The following MUC7 variants were observed in gnomAD, a reference collection of about 807,000 sequenced individuals.
MUC7 encodes mucin-7.
A neutral mutation model predicts 2.5 loss-of-function variants in MUC7; 2 were observed. The observed-to-expected ratio is 0.81, with a 90% CI of 0.33 to 2.55. The LOEUF (loss-of-function observed/expected upper bound fraction) is 2.55. MUC7 is among the 30% of genes most tolerant of loss of function. MUC7 has a pLI of 0.11. For missense variants in MUC7, 408 were observed against 455.6 expected (o/e 0.90, Z 0.95); for synonymous variants, 133 against 173.4 (o/e 0.77, Z 1.83).
At chr4:70,462,648 G>A (rs1734585055) in intron 1 of MUC7, among the ~76,000 whole-genome samples, 1 of 152,144 alleles carries the variant, frequency 6.6e-6, no homozygotes, top group African/African-American at 2.4e-5. Context: ...ACATAAATTA[G>A]ATTATATAGT....
At position 70,481,243 on chromosome 4, in the gene MUC7, G is replaced by A; in HGVS notation, c.499G>A (p.Ala167Thr). ...VNSPAPQDTT[A>T]APPTPSATTP... Reference sequence around the variant, plus strand: ...TTCCCCAGCTCCACAAGACACCACAGCTGCCCCACCCACACCTTCTGCAAC... The same window carrying A: ...TTCCCCAGCTCCACAAGACACCACAACTGCCCCACCCACACCTTCTGCAAC... Residue 167 changes from alanine to threonine, a missense_variant, in exon 3 of 3, where the codon GCT becomes ACT. This residue lies in a region of MUC7 where 225 missense variants were observed against 240.5 expected (regional missense o/e 0.94). Coordinates refer to ENST00000304887, the MANE Select transcript of MUC7 (RefSeq NM_152291.3). 6.2e-7 allele frequency: 1 copy of A among 1,613,850 alleles called. No homozygotes were observed. The highest frequency in any genetic ancestry group is 2.2e-5 in the East Asian group (1 of 44,852).
intron 1 of MUC7, among the ~76,000 whole-genome samples, chr4:70,458,711 T>C (rs1734470497): frequency 6.6e-6 from 1 of 151,970 alleles, no homozygotes; most frequent in Non-Finnish European, 1.5e-5. Context: ...AACATAACAG[T>C]AAACAGAAAA....
chr4:70,471,576 A>G (rs554235430), upstream of MUC7, among the ~76,000 whole-genome samples: 18 of 152,350 alleles, frequency 1.2e-4, no homozygotes, highest in African/African-American at 4.3e-4. Flanking sequence ...ACTAAGATAT[A>G]TAGCAAAATG....
intron 1 of MUC7, among the ~76,000 whole-genome samples, chr4:70,431,815 G>A (rs1733674265): frequency 6.6e-6 from 1 of 152,166 alleles, no homozygotes; most frequent in East Asian, 1.9e-4. Context: ...TCTTACATAT[G>A]TATACATGTG....
chr4:70,446,526 T>C (rs934436851), intron 1 of MUC7, among the ~76,000 whole-genome samples: 1 of 152,218 alleles, frequency 6.6e-6, no homozygotes, highest in South Asian at 2.1e-4. Context: ...TCTTCCTTCA[T>C]GTGACCATCT....
Position 70,480,792 on chromosome 4 carries a change from T to C in MUC7, c.55-7T>C, listed in dbSNP as rs769012264. 6.2e-7 allele frequency: 1 copy of C among 1,605,532 alleles called. No homozygotes were observed. Among genetic ancestry groups the C allele is most frequent in the Non-Finnish European group, 8.5e-7 (1 of 1,174,508 alleles). On this transcript the variant is annotated splice_polypyrimidine_tract_variant and splice_region_variant and intron_variant, in intron 2 of 2. Coordinates refer to ENST00000304887, the MANE Select transcript of MUC7 (RefSeq NM_152291.3). ...TTCATTTCTTACATTTTCTTTCTTT[T>C]CTGCAGTTCAGTGAAGGTCGAGAAA...
intron 1 of MUC7, among the ~76,000 whole-genome samples, chr4:70,434,782 C>A (rs970048783): frequency 3.3e-5 from 5 of 152,122 alleles, no homozygotes; most frequent in African/African-American, 1.2e-4. Flanking sequence ...TTCTCTAGTT[C>A]TTTTAATTGT....
chr4:70,479,248 T>C (rs1408706404), intron 2 of MUC7, among the ~76,000 whole-genome samples: 4 of 152,230 alleles, frequency 2.6e-5, no homozygotes, highest in African/African-American at 9.6e-5. Context: ...CCTCTTTGCT[T>C]TGAAATAGTT....
chr4:70,474,391 G>A (rs922656811), intron 2 of MUC7, among the ~76,000 whole-genome samples: 14 of 151,978 alleles, frequency 9.2e-5, no homozygotes, highest in Non-Finnish European at 1.3e-4. Context: ...GTGGTGGTGC[G>A]TGCCTGTAAT....
intron 1 of MUC7, among the ~76,000 whole-genome samples, chr4:70,437,887 C>A (rs1733893452): frequency 6.6e-6 from 1 of 151,780 alleles, no homozygotes; most frequent in South Asian, 2.1e-4. Flanking sequence ...TTAAAAAAAT[C>A]TATTCTTTAC....
chr4:70,446,469 G>C (rs1428356041), intron 1 of MUC7, among the ~76,000 whole-genome samples: 23 of 152,134 alleles, frequency 1.5e-4, no homozygotes, highest in Admixed American at 1.5e-3. Context: ...GCTTGTGGCA[G>C]TATACTTCCA....
intron 1 of MUC7, among the ~76,000 whole-genome samples, chr4:70,438,429 A>AGTTTT (rs751882688): frequency 6.3e-4 from 79 of 124,828 alleles, no homozygotes; most frequent in East Asian, 2.5e-3. Flanking sequence ...CAGGAAATGA[A>AGTTTT]GTTTTGTTTT....
chr4:70,462,193 C>A (rs1319238098), intron 1 of MUC7, among the ~76,000 whole-genome samples: 2 of 145,448 alleles, frequency 1.4e-5, no homozygotes, highest in African/African-American at 5.1e-5. Flanking sequence ...GTCTGGATGA[C>A]ACACTAAAAT....
intron 1 of MUC7, among the ~76,000 whole-genome samples, chr4:70,452,415 T>C (rs1018815752): frequency 6.6e-6 from 1 of 152,172 alleles, no homozygotes; most frequent in African/African-American, 2.4e-5. Flanking sequence ...TTTTTGTGTA[T>C]CCATTATATG....
chr4:70,469,338 C>G (rs1226917791), upstream of MUC7, among the ~76,000 whole-genome samples: 2 of 152,140 alleles, frequency 1.3e-5, no homozygotes, highest in Non-Finnish European at 2.9e-5. Context: ...ATTCAGGACA[C>G]AGGCATGGGC....
chr4:70,437,237 C>A (rs1733867916), intron 1 of MUC7, among the ~76,000 whole-genome samples: 1 of 152,230 alleles, frequency 6.6e-6, no homozygotes, highest in Non-Finnish European at 1.5e-5. Context: ...CTCTTCAGAG[C>A]TGTCAGGCAG....
intron 1 of MUC7, among the ~76,000 whole-genome samples, chr4:70,445,036 A>G (rs538554487): frequency 1.3e-5 from 2 of 152,320 alleles, no homozygotes; most frequent in East Asian, 3.9e-4. Context: ...TGTCTAAAAA[A>G]CAAACAAACA....
At chr4:70,463,807 A>G (rs1479757388) in intron 1 of MUC7, among the ~76,000 whole-genome samples, 1 of 152,262 alleles carries the variant, frequency 6.6e-6, no homozygotes, top group Non-Finnish European at 1.5e-5. Flanking sequence ...GTACCATTCT[A>G]TGAATTAGAC....
intron 1 of MUC7, among the ~76,000 whole-genome samples, chr4:70,451,112 C>A (rs1400163801): frequency 1.3e-5 from 2 of 152,192 alleles, no homozygotes; most frequent in Non-Finnish European, 2.9e-5. Flanking sequence ...TCTGTAGGAA[C>A]TCAAGTTCAG....
Sources: gnomAD v4.1 joint callset for allele counts (sites outside exome capture counted in the v4.1 genomes callset) on GRCh38, gnomAD v4.1.1 for gene constraint, gnomAD v4.1.1 regional missense constraint, MANE v1.5 for transcripts, NCBI Gene and HGNC (gene_info 2026-07-23, HGNC 2026-07-21) for gene names.